The following CHST15 variants were observed in gnomAD, a reference collection of about 807,000 sequenced individuals.
The protein encoded by CHST15 is carbohydrate sulfotransferase 15.
Under a neutral mutation model 53.6 loss-of-function variants are expected in CHST15, and 30 were observed. The ratio of observed to expected loss-of-function variants is 0.56; its 90% CI spans 0.42 to 0.76. The LOEUF is 0.76. CHST15 is among the 30% of genes least tolerant of loss of function. The probability of loss-of-function intolerance (pLI) is 0.00; values close to 1 mark genes in which losing one functional copy is unlikely to be tolerated. For synonymous variants in CHST15, 296 were observed against 289.8 expected (o/e 1.02, Z -0.22); for missense variants, 627 against 740.5 (o/e 0.85, Z 1.78).
intron 5 of CHST15, among the ~76,000 whole-genome samples, chr10:124,030,213 C>T (rs1015375400): frequency 1.3e-5 from 2 of 152,142 alleles, no homozygotes; most frequent in Admixed American, 6.5e-5. Context: ...CTGGCCTGGG[C>T]GCTGCCAGCT....
rs191910228 is a variant in CHST15 at position 124,066,008 on chromosome 10, G to A, written c.-512-19284C>T. On this transcript the variant is annotated intron_variant, in intron 1 of 7. Coordinates refer to ENST00000435907, the MANE Select transcript of CHST15 (RefSeq NM_001270764.2). ...ACGTTTCAAAAGCATCGAGTATTCG[G>A]AATCAACTAAAAACCCGAATTCTTC... Among the ~76,000 whole-genome samples the A allele has an allele frequency of 2.2e-3, 339 of 152,058 alleles. 2 individuals carry two copies. Among genetic ancestry groups the A allele is most frequent in the Non-Finnish European group, 3.8e-3 (258 of 68,000 alleles).
At chr10:124,021,167 A>C (rs770654669) in intron 6 of CHST15, 89 bp downstream of exon 6, 60 of 1,479,324 alleles carry the variant, frequency 4.1e-5, no homozygotes, top group Non-Finnish European at 1.8e-6. Flanking sequence ...GCTGAAACGC[A>C]AACCCACAAT....
Position 124,093,577 on chromosome 10 carries a change from C to G in CHST15, c.-621G>C, listed in dbSNP as rs964654095. Reference sequence around the variant, plus strand: ...TCCAGGGCGCGTCAACCTGACTCCCCGAGCGCTGGGAGGAAAAGTTTGGGA... The same window carrying G: ...TCCAGGGCGCGTCAACCTGACTCCCGGAGCGCTGGGAGGAAAAGTTTGGGA... On this transcript the variant is annotated 5_prime_UTR_variant, in exon 1 of 8. Transcript: ENST00000435907. 1 of 152,284 alleles carries G rather than the reference C, an allele frequency of 6.6e-6. No homozygotes were observed. The highest frequency in any genetic ancestry group is 1.5e-5 in the Non-Finnish European group (1 of 68,082). 9.4% of individuals were successfully genotyped at this position (152,284 alleles called of 1,614,324 possible). A position where few individuals can be genotyped will look rare whatever the true frequency, so the allele number is the denominator to read the frequency against.
intron 1 of CHST15, among the ~76,000 whole-genome samples, chr10:124,052,584 G>A (rs775207366): frequency 5.3e-5 from 8 of 152,206 alleles, no homozygotes; most frequent in Non-Finnish European, 8.8e-5. Context: ...TTAAGAGCCC[G>A]AGTGCTGGAG....
intron 1 of CHST15, among the ~76,000 whole-genome samples, chr10:124,049,006 C>A (rs943220546): frequency 2.0e-5 from 3 of 152,210 alleles, no homozygotes; most frequent in African/African-American, 7.2e-5. Flanking sequence ...CCAGCCCGGC[C>A]TCTGCGAGTC....
intron 3 of CHST15, among the ~76,000 whole-genome samples, chr10:124,042,770 T>C (rs1445974529): frequency 6.6e-6 from 1 of 152,116 alleles, no homozygotes; most frequent in African/African-American, 2.4e-5. Context: ...CTGGGGCTGG[T>C]TAACTTGTGC....
At chr10:124,047,933 C>T (rs768216724) in intron 1 of CHST15, among the ~76,000 whole-genome samples, 1 of 152,152 alleles carries the variant, frequency 6.6e-6, no homozygotes, top group Non-Finnish European at 1.5e-5. Context: ...CCAACTCTAC[C>T]CACGCCACCC....
intron 1 of CHST15, among the ~76,000 whole-genome samples, chr10:124,086,051 C>T (rs1032093405): frequency 3.9e-5 from 6 of 152,192 alleles, no homozygotes; most frequent in Admixed American, 6.5e-5. Flanking sequence ...CAGGCCCAGG[C>T]TAGGAGTCAA....
In CHST15 at chr10:124,019,790, T is replaced by C; in HGVS notation, c.1347+1466A>G. On this transcript the variant is annotated intron_variant, in intron 6 of 7. Transcript: ENST00000435907. The surrounding 1 kb of genome is among the most constrained non-coding windows in gnomAD (Gnocchi z 4.6). ...ATCTCTCTCAGGGTGATGTCTAGAC[T>C]TCTTCTGAGGCTAGACCAGGTGGTG... The C allele has an allele frequency of 2.0e-6, 2 of 985,496 alleles. No homozygotes were observed. The highest frequency in any genetic ancestry group is 2.4e-6 in the Non-Finnish European group (2 of 829,954). The allele number at this position is 985,496 out of a possible 1,614,324, so 61.0% of individuals were successfully genotyped here. A position where few individuals can be genotyped will look rare whatever the true frequency, so the allele number is the denominator to read the frequency against.
chr10:124,070,280 C>T (rs181663829), intron 1 of CHST15, among the ~76,000 whole-genome samples: 4 of 152,342 alleles, frequency 2.6e-5, no homozygotes, highest in East Asian at 1.9e-4. Context: ...TGCCCACCTA[C>T]GGGGATGTCA....
chr10:124,073,627 C>T (rs895261364), intron 1 of CHST15, among the ~76,000 whole-genome samples: 2 of 152,180 alleles, frequency 1.3e-5, no homozygotes, highest in Non-Finnish European at 2.9e-5. Context: ...AAGTTTCTGC[C>T]CCATCAGAAA....
rs965264177 is a variant in CHST15, at chr10:124,020,530, T to C, written c.1347+726A>G. 6 of 985,390 alleles carry C rather than the reference T, an allele frequency of 6.1e-6. No individual in the cohort carries two copies. In the African/African-American group the frequency reaches 8.7e-5, roughly 14 times the overall value. The allele number at this position is 985,390 out of a possible 1,614,324, so 61.0% of individuals were successfully genotyped here. A position where few individuals can be genotyped will look rare whatever the true frequency, so the allele number is the denominator to read the frequency against. ...CCTCTTGGCCTGAAGTCCCACCACCTGGGGGCTTCCAAGACTCCACAGCAG... is the reference window on the plus strand; with the variant it reads ...CCTCTTGGCCTGAAGTCCCACCACCCGGGGGCTTCCAAGACTCCACAGCAG... On this transcript the variant is annotated intron_variant, in intron 6 of 7. Transcript: ENST00000435907.
chr10:124,071,728 C>T (rs1948920351), intron 1 of CHST15, among the ~76,000 whole-genome samples: 10 of 152,204 alleles, frequency 6.6e-5, no homozygotes, highest in Admixed American at 6.5e-4. Flanking sequence ...ATCTAGATTT[C>T]ATAAGACTTA....
chr10:124,044,522 G>C (rs909785758), intron 3 of CHST15, 58 bp downstream of exon 3: 5 of 1,365,074 alleles, frequency 3.7e-6, no homozygotes, highest in Non-Finnish European at 4.8e-6. Context: ...AACGTTGCGG[G>C]AGGAATGAAC....
chr10:124,021,183 T>G, intron 6 of CHST15, 73 bp downstream of exon 6: 2 of 1,466,346 alleles, frequency 1.4e-6, no homozygotes, highest in African/African-American at 3.1e-5. Context: ...ACAATGCCGC[T>G]TGCATAATAA....
chr10:124,009,289 A>G lies in CHST15; in HGVS notation c.*860T>C. ...CAGCAAAAATTTCTCTTCCAATTAT[A>G]AACTGAAGTTCTTGAGAAAACGTAT... On this transcript the variant is annotated 3_prime_UTR_variant, in exon 8 of 8. Transcript: ENST00000435907. 1 of 1,097,386 alleles carries G rather than the reference A, an allele frequency of 9.1e-7. No individual in the cohort carries two copies. The highest frequency in any genetic ancestry group is 1.1e-6 in the Non-Finnish European group (1 of 890,966). 68.0% of individuals were successfully genotyped at this position (1,097,386 alleles called of 1,614,324 possible).
At chr10:124,038,251 AGTGTG>A (rs1947593010) in intron 5 of CHST15, among the ~76,000 whole-genome samples, 2 of 151,792 alleles carry the variant, frequency 1.3e-5, no homozygotes, top group Admixed American at 1.3e-4. Context: ...GGACTATAGG[AGTGTG>A]CCACCACATC....
chr10:124,034,589 C>T (rs1378922227), intron 5 of CHST15, among the ~76,000 whole-genome samples: 1 of 146,746 alleles, frequency 6.8e-6, no homozygotes, highest in African/African-American at 2.6e-5. Context: ...CTAACAGGGA[C>T]CCTGGCTCCA....
chr10:124,078,561 C>T (rs1208167925), intron 1 of CHST15, among the ~76,000 whole-genome samples: 2 of 152,178 alleles, frequency 1.3e-5, no homozygotes, highest in East Asian at 3.9e-4. Flanking sequence ...AGAAGGTCAC[C>T]TCTGTGCACC....
Sources: allele counts gnomAD v4.1 joint callset (sites outside exome capture counted in the v4.1 genomes callset), GRCh38; gene constraint gnomAD v4.1.1; non-coding constraint Gnocchi (gnomAD v3.1); transcripts MANE v1.5; gene names NCBI Gene and HGNC (gene_info 2026-07-23, HGNC 2026-07-21).